ARHGEF4: variants seen among roughly 807,000 people sequenced by gnomAD.
ARHGEF4 encodes the protein APC-stimulated guanine nucleotide exchange factor 1.
Under a neutral mutation model 162.0 loss-of-function variants are expected in ARHGEF4, and 119 were observed. The observed-to-expected ratio is 0.73, with a 90% CI of 0.63 to 0.86. The LOEUF is 0.86. Among genes scored for constraint, ARHGEF4 ranks in the 40% least tolerant of loss-of-function variants. The pLI, the probability that ARHGEF4 is intolerant of heterozygous loss-of-function variation, is 0.00. For synonymous variants in ARHGEF4, 1,014 were observed against 979.9 expected, an observed-to-expected ratio of 1.03 and a Z score of -0.65; for missense variants, 2,488 against 2,456.0, an observed-to-expected ratio of 1.01 and a Z score of -0.28.
chr2:131,012,817 G>A (rs1487660245), intron 4 of ARHGEF4, among the ~76,000 whole-genome samples: 1 of 152,192 alleles, frequency 6.6e-6, no homozygotes, highest in Non-Finnish European at 1.5e-5. Context: ...CTGACCTCAG[G>A]TGATCCGCCC....
At chr2:130,932,637 A>G (rs765559779) in intron 3 of ARHGEF4, among the ~76,000 whole-genome samples, 4 of 152,194 alleles carry the variant, frequency 2.6e-5, no homozygotes, top group Admixed American at 6.5e-5. Flanking sequence ...CTTAATTTTG[A>G]TGAAATCTAC....
chr2:130,924,069 T>G (rs7562333), intron 2 of ARHGEF4, among the ~76,000 whole-genome samples: 124,033 of 151,166 alleles, frequency 0.82, 52,491 homozygotes, highest in East Asian at 1. Context: ...TTTTAGTAGA[T>G]ACGGGGTTTC....
chr2:130,974,631 T>G (rs1361181654), intron 4 of ARHGEF4, among the ~76,000 whole-genome samples: 1 of 145,114 alleles, frequency 6.9e-6, no homozygotes, highest in East Asian at 2.1e-4. Flanking sequence ...TTTTTTTTTT[T>G]TTGTATTTTT....
intron 5 of ARHGEF4, chr2:131,034,936 G>A: frequency 1.0e-6 from 1 of 974,400 alleles, no homozygotes; most frequent in Non-Finnish European, 1.2e-6. Flanking sequence ...CCAGGGCTTG[G>A]GGCCTGGGAG....
chr2:130,844,235 C>G (rs922681489), intron 1 of ARHGEF4, among the ~76,000 whole-genome samples: 4 of 152,252 alleles, frequency 2.6e-5, no homozygotes, highest in African/African-American at 7.2e-5. Context: ...CTGCCCCTCA[C>G]CTTCTGCCAG....
At chr2:130,866,618 C>G (rs1682296791) in intron 1 of ARHGEF4, among the ~76,000 whole-genome samples, 1 of 152,198 alleles carries the variant, frequency 6.6e-6, no homozygotes, top group Non-Finnish European at 1.5e-5. Context: ...GCCAGATACT[C>G]TTTCTGCATC....
intron 4 of ARHGEF4, among the ~76,000 whole-genome samples, chr2:131,024,972 G>T (rs552541869): frequency 6.6e-6 from 1 of 152,296 alleles, no homozygotes; most frequent in Admixed American, 6.5e-5. Context: ...TGTGTACAAG[G>T]TTAGCAGAAG....
intron 4 of ARHGEF4, among the ~76,000 whole-genome samples, chr2:131,012,242 A>G (rs1688500316): frequency 6.6e-6 from 1 of 152,042 alleles, no homozygotes; most frequent in African/African-American, 2.4e-5. Flanking sequence ...TTGGGCATTG[A>G]GAGACAGGGA....
At chr2:130,967,120 C>T (rs1244885927) in intron 4 of ARHGEF4, among the ~76,000 whole-genome samples, 1 of 152,230 alleles carries the variant, frequency 6.6e-6, no homozygotes, top group East Asian at 1.9e-4. Flanking sequence ...GCAGCTTCCT[C>T]ACAGGGCGCA....
At position 130,992,356 on chromosome 2, in the gene ARHGEF4, C is replaced by T. The variant is rs184963960; in HGVS notation, c.3986-35589C>T. On this transcript the variant is annotated intron_variant, in intron 4 of 13. Coordinates refer to ENST00000409359, the MANE Select transcript of ARHGEF4 (RefSeq NM_001367493.1). ...GCAATAAATCTTGCTACTGCTCACT[C>T]TTTGGGTCCATGCTGCTTTTAAGAG... is the stretch of plus-strand genomic sequence containing the variant. 1.1e-3 allele frequency among the ~76,000 whole-genome samples: 164 copies of T among 152,226 alleles called. 1 individual carries two copies. The highest frequency in any genetic ancestry group is 3.7e-3 in the African/African-American group (152 of 41,562).
chr2:131,000,616 C>G (rs1204553477), intron 4 of ARHGEF4, among the ~76,000 whole-genome samples: 1 of 152,038 alleles, frequency 6.6e-6, no homozygotes, highest in Non-Finnish European at 1.5e-5. Flanking sequence ...TTTCTTAAGT[C>G]TTTGTTCACT....
intron 1 of ARHGEF4, among the ~76,000 whole-genome samples, chr2:130,844,842 G>C (rs1042254719): frequency 6.6e-6 from 1 of 151,800 alleles, no homozygotes; most frequent in Non-Finnish European, 1.5e-5. Flanking sequence ...ATATATTTGA[G>C]ACAGAATCTC....
At position 130,915,138 on chromosome 2, in the gene ARHGEF4, C is replaced by T. The variant is rs1367916379; in HGVS notation, c.1192C>T (p.Pro398Ser). Residue 398 changes from proline (P) to serine (S), a missense_variant, in exon 2 of 14, where the codon CCC (proline) becomes TCC (serine). This residue lies in a region of ARHGEF4 where 1,642 missense variants were observed against 1,481.5 expected (regional missense o/e 1.11). Transcript: ENST00000409359. ...GPIPAFQSGA[P>S]HLQGPCKPGG... Reference sequence around the variant, plus strand: ...GATTCCTGCTTTTCAGAGTGGGGCTCCCCATCTGCAGGGTCCCTGCAAGCC... The same window carrying T: ...GATTCCTGCTTTTCAGAGTGGGGCTTCCCATCTGCAGGGTCCCTGCAAGCC... 2 of 1,550,664 alleles carry T rather than the reference C, an allele frequency of 1.3e-6. No individual in the cohort carries two copies. Among genetic ancestry groups the T allele is most frequent in the Non-Finnish European group, 8.7e-7 (1 of 1,147,018 alleles).
chr2:131,011,001 G>C (rs1377062187), intron 4 of ARHGEF4, among the ~76,000 whole-genome samples: 1 of 152,208 alleles, frequency 6.6e-6, no homozygotes, highest in African/African-American at 2.4e-5. Context: ...AGGTGTGTGT[G>C]TTGGAAACTA....
At chr2:131,004,488 C>T (rs373708126) in intron 4 of ARHGEF4, among the ~76,000 whole-genome samples, 8 of 152,112 alleles carry the variant, frequency 5.3e-5, no homozygotes, top group South Asian at 2.1e-4. Flanking sequence ...AAACCACATT[C>T]GGAAGTATTT....
intron 5 of ARHGEF4, chr2:131,035,214 C>T: frequency 1.6e-6 from 2 of 1,224,976 alleles, no homozygotes; most frequent in Non-Finnish European, 2.0e-6. Flanking sequence ...TGCTGGCGCT[C>T]CTGGTTCTCA....
At chr2:130,912,670 C>T (rs1489974211) in intron 1 of ARHGEF4, among the ~76,000 whole-genome samples, 1 of 152,132 alleles carries the variant, frequency 6.6e-6, no homozygotes, top group Non-Finnish European at 1.5e-5. Flanking sequence ...GAGTGCTTGG[C>T]CAGCTCTGGG....
intron 4 of ARHGEF4, among the ~76,000 whole-genome samples, chr2:130,954,072 T>G (rs1684120881): frequency 6.6e-6 from 1 of 152,236 alleles, no homozygotes. Context: ...CAAAGGATTA[T>G]AAATCATGCT....
intron 4 of ARHGEF4, among the ~76,000 whole-genome samples, chr2:131,000,025 A>G (rs977615069): frequency 7.2e-5 from 11 of 152,258 alleles, no homozygotes; most frequent in Non-Finnish European, 1.5e-4. Flanking sequence ...GTGCTTTTTA[A>G]GATCATATTT....
Sources: gnomAD v4.1 joint callset for allele counts (sites outside exome capture counted in the v4.1 genomes callset) on GRCh38, gnomAD v4.1.1 for gene constraint, gnomAD v4.1.1 regional missense constraint, MANE v1.5 for transcripts, NCBI Gene and HGNC (gene_info 2026-07-23, HGNC 2026-07-21) for gene names.